DCAF6: variants seen among roughly 807,000 people sequenced by gnomAD.
DCAF6 encodes DDB1- and CUL4-associated factor 6.
In DCAF6, 54 loss-of-function variants were observed where a neutral mutation model predicts 125.1. The observed-to-expected ratio is 0.43, with a 90% confidence interval of 0.35 to 0.54. The LOEUF is 0.54. DCAF6 is among the 20% of genes least tolerant of loss of function. The pLI is 0.01. For missense variants in DCAF6, 934 were observed against 1,161.7 expected (o/e 0.80, Z 2.85); for synonymous variants, 371 against 390.4 (o/e 0.95, Z 0.58).
chr1:167,989,028 C>T (rs766335196), intron 5 of DCAF6, among the ~76,000 whole-genome samples: 2 of 151,638 alleles, frequency 1.3e-5, no homozygotes, highest in Admixed American at 6.6e-5. Flanking sequence ...TGCAGTGAGC[C>T]GAGATCACAC....
chr1:168,067,789 T>C (rs2101991262), intron 20 of DCAF6, among the ~76,000 whole-genome samples: 1 of 152,322 alleles, frequency 6.6e-6, no homozygotes, highest in Non-Finnish European at 1.5e-5. Flanking sequence ...GTTTTTTGCT[T>C]TTCCACTTTT....
chr1:168,017,392 G>A (rs1341499375), intron 11 of DCAF6, among the ~76,000 whole-genome samples: 1 of 152,080 alleles, frequency 6.6e-6, no homozygotes, highest in East Asian at 1.9e-4. Flanking sequence ...AAATGATCTT[G>A]AGTATAAAAC....
chr1:168,027,805 T>G (rs1308393336), intron 12 of DCAF6, among the ~76,000 whole-genome samples: 1 of 152,128 alleles, frequency 6.6e-6, no homozygotes, highest in East Asian at 1.9e-4. Context: ...ACTGGTGTCT[T>G]TGCTTATTTA....
At chr1:168,071,025 T>C (rs1269878793) in intron 21 of DCAF6, among the ~76,000 whole-genome samples, 22 of 152,204 alleles carry the variant, frequency 1.4e-4, no homozygotes, top group Admixed American at 1.4e-3. Flanking sequence ...CAATCACTTA[T>C]TAAATCGTTC....
At chr1:168,007,012 C>G (rs540532688) in intron 10 of DCAF6, among the ~76,000 whole-genome samples, 7 of 152,324 alleles carry the variant, frequency 4.6e-5, no homozygotes, top group African/African-American at 1.7e-4. Context: ...CACTGTTGCT[C>G]TCCAGCTGTA....
intron 15 of DCAF6, 61 bp from the exon 16 acceptor site, chr1:168,044,839 G>T (rs1434996500): frequency 6.4e-7 from 1 of 1,553,542 alleles, no homozygotes; most frequent in East Asian, 2.2e-5. Context: ...TCCTAAGTTA[G>T]GTTAAATAAT....
At chr1:167,910,710 C>G in the DCAF6 span, among the ~76,000 whole-genome samples, 1 of 152,138 alleles carries the variant, frequency 6.6e-6, no homozygotes, top group African/African-American at 2.4e-5. Context: ...CATGGGTGCT[C>G]TGAAGTGGCT....
chr1:167,875,881 AG>A, the DCAF6 span, among the ~76,000 whole-genome samples: 1 of 152,090 alleles, frequency 6.6e-6, no homozygotes, highest in East Asian at 1.9e-4. Context: ...TGAACCCGGG[AG>A]GGGGAGCTTG....
At chr1:168,031,660 C>T (rs1687105809) in intron 12 of DCAF6, among the ~76,000 whole-genome samples, 1 of 151,742 alleles carries the variant, frequency 6.6e-6, no homozygotes. Context: ...GTTAATTTAT[C>T]TACAAAATGA....
the DCAF6 span, among the ~76,000 whole-genome samples, chr1:167,865,200 G>C: frequency 3.9e-4 from 59 of 152,110 alleles, no homozygotes; most frequent in Non-Finnish European, 7.2e-4. Flanking sequence ...AGATTAGAAG[G>C]AGGCATAAGA....
intron 3 of DCAF6, among the ~76,000 whole-genome samples, chr1:167,972,574 A>T (rs1677502156): frequency 6.6e-6 from 1 of 152,226 alleles, no homozygotes; most frequent in African/African-American, 2.4e-5. Flanking sequence ...CATTGAAATA[A>T]TCCAGGTAAG....
the DCAF6 span, chr1:167,878,353 T>G: frequency 7.0e-7 from 1 of 1,426,960 alleles, no homozygotes; most frequent in African/African-American, 1.4e-5. Flanking sequence ...CTTTTTGAAC[T>G]GGCTCCAAAT....
chr1:168,000,293 G>T (rs1213481831), intron 7 of DCAF6, among the ~76,000 whole-genome samples: 1 of 151,972 alleles, frequency 6.6e-6, no homozygotes, highest in Non-Finnish European at 1.5e-5. Context: ...CACCATAATA[G>T]GTAGGATAAT....
At chr1:168,001,393 C>T (rs1275290807) in intron 7 of DCAF6, among the ~76,000 whole-genome samples, 2 of 152,102 alleles carry the variant, frequency 1.3e-5, no homozygotes, top group Non-Finnish European at 2.9e-5. Context: ...TTTGAGTTGG[C>T]AATTGATTAT....
At chr1:167,978,925 G>A (rs1678662543) in intron 4 of DCAF6, among the ~76,000 whole-genome samples, 1 of 152,056 alleles carries the variant, frequency 6.6e-6, no homozygotes, top group African/African-American at 2.4e-5. Context: ...CTAAAGTGCT[G>A]GGATTTCAGC....
the DCAF6 span, among the ~76,000 whole-genome samples, chr1:167,882,123 G>A: frequency 2.4e-4 from 36 of 152,172 alleles, no homozygotes; most frequent in African/African-American, 8.4e-4. Flanking sequence ...ATTGAGATGG[G>A]AAATCAATTC....
intron 1 of DCAF6, among the ~76,000 whole-genome samples, chr1:167,941,070 A>G (rs1001123468): frequency 1.3e-5 from 2 of 152,028 alleles, no homozygotes; most frequent in African/African-American, 4.8e-5. Context: ...TATGTTGCCA[A>G]GTTACAGTGT....
At chr1:167,948,298 C>G (rs1171105507) in intron 1 of DCAF6, among the ~76,000 whole-genome samples, 1 of 151,988 alleles carries the variant, frequency 6.6e-6, no homozygotes, top group Non-Finnish European at 1.5e-5. Flanking sequence ...ATCTGGATCT[C>G]TAAATCTCTT....
At chr1:167,868,218 C>T in the DCAF6 span, among the ~76,000 whole-genome samples, 1 of 152,110 alleles carries the variant, frequency 6.6e-6, no homozygotes, top group East Asian at 1.9e-4. Flanking sequence ...AATGTCACCT[C>T]ATGTTACGTT....
Sources: gnomAD v4.1 joint callset for allele counts (sites outside exome capture counted in the v4.1 genomes callset) on GRCh38, gnomAD v4.1.1 for gene constraint, MANE v1.5 for transcripts, NCBI Gene and HGNC (gene_info 2026-07-23, HGNC 2026-07-21) for gene names.